Variants in PPP1R9A observed in about 807,000 individuals in gnomAD.
The protein encoded by PPP1R9A is neurabin-1.
PPP1R9A carries 59 observed loss-of-function variants against 141.9 expected under a neutral mutation model. That is an observed-to-expected ratio of 0.42 (90% CI 0.34 to 0.52). PPP1R9A has a LOEUF of 0.52. PPP1R9A is among the 20% of genes least tolerant of loss of function. PPP1R9A has a pLI of 0.10. For missense variants in PPP1R9A, 1,444 were observed against 1,611.9 expected (o/e 0.90, Z 1.78); for synonymous variants, 500 against 569.7 (o/e 0.88, Z 1.74).
intron 4 of PPP1R9A, among the ~76,000 whole-genome samples, chr7:95,151,756 C>T (rs1362654082): frequency 6.6e-6 from 1 of 151,056 alleles, no homozygotes; most frequent in Non-Finnish European, 1.5e-5. Flanking sequence ...TAGAGAAGCT[C>T]TCCAAATTTC....
At chr7:94,951,038 A>T (rs1796417830) in intron 2 of PPP1R9A, among the ~76,000 whole-genome samples, 2 of 152,136 alleles carry the variant, frequency 1.3e-5, no homozygotes, top group African/African-American at 4.8e-5. Flanking sequence ...AATCACCTGT[A>T]TGATTACCAT....
At chr7:95,063,718 G>C (rs1186393573) in intron 2 of PPP1R9A, among the ~76,000 whole-genome samples, 4 of 152,148 alleles carry the variant, frequency 2.6e-5, no homozygotes, top group African/African-American at 9.7e-5. Flanking sequence ...CAGTTTTCTT[G>C]AAACTGCAAA....
rs1347187145 is a variant in PPP1R9A, at chr7:95,258,841, A to T, written c.2665+6711A>T. Among the ~76,000 whole-genome samples, 3 of 152,172 alleles carry T rather than the reference A, an allele frequency of 2.0e-5. No homozygotes were observed. In the East Asian group the frequency reaches 5.8e-4, roughly 29 times the overall value. ...AGCCAGCACATGGAAAAACAGGAAA[A>T]TTCATAAAACTGTTTCATTAAAATA... On this transcript the variant is annotated intron_variant, in intron 12 of 19. Transcript: ENST00000433360.
intron 5 of PPP1R9A, among the ~76,000 whole-genome samples, chr7:95,167,762 G>A (rs768548025): frequency 1.1e-4 from 17 of 151,418 alleles, no homozygotes; most frequent in Non-Finnish European, 2.2e-4. Flanking sequence ...CAAAAATAAT[G>A]AACTAGCTGA....
At chr7:94,935,130 T>A (rs1408922448) in intron 2 of PPP1R9A, among the ~76,000 whole-genome samples, 1 of 152,232 alleles carries the variant, frequency 6.6e-6, no homozygotes, top group Non-Finnish European at 1.5e-5. Flanking sequence ...TTTATGTTCA[T>A]GAATAATGTA....
chr7:95,173,078 T>C (rs1394373262), intron 5 of PPP1R9A, among the ~76,000 whole-genome samples: 2 of 151,920 alleles, frequency 1.3e-5, no homozygotes, highest in African/African-American at 4.8e-5. Flanking sequence ...AACTTAGAAC[T>C]GATCACAACC....
chr7:95,109,894 T>TA (rs1820246616), intron 2 of PPP1R9A, among the ~76,000 whole-genome samples: 1 of 151,864 alleles, frequency 6.6e-6, no homozygotes, highest in Admixed American at 6.6e-5. Context: ...GGAAACATGC[T>TA]AATATTTATG....
At chr7:94,941,088 A>G (rs571544206) in intron 2 of PPP1R9A, among the ~76,000 whole-genome samples, 2 of 152,296 alleles carry the variant, frequency 1.3e-5, no homozygotes, top group African/African-American at 4.8e-5. Flanking sequence ...TCTGTGAAAG[A>G]CTAATATTTT....
At chr7:95,101,532 G>A (rs557910851) in intron 2 of PPP1R9A, among the ~76,000 whole-genome samples, 2 of 152,202 alleles carry the variant, frequency 1.3e-5, no homozygotes, top group East Asian at 3.9e-4. Flanking sequence ...TCTTGCCTCC[G>A]CAGTAAAATG....
At chr7:94,981,705 T>G (rs1376832364) in intron 2 of PPP1R9A, among the ~76,000 whole-genome samples, 1 of 152,182 alleles carries the variant, frequency 6.6e-6, no homozygotes, top group Non-Finnish European at 1.5e-5. Flanking sequence ...CTAATACAAT[T>G]TTGTATTTCT....
At chr7:95,049,724 C>G (rs1019885540) in intron 2 of PPP1R9A, among the ~76,000 whole-genome samples, 3 of 152,144 alleles carry the variant, frequency 2.0e-5, no homozygotes, top group African/African-American at 7.2e-5. Context: ...TTTTTACTGT[C>G]TCCCTACATT....
At chr7:95,125,991 A>G (rs964344008) in intron 4 of PPP1R9A, among the ~76,000 whole-genome samples, 14 of 152,082 alleles carry the variant, frequency 9.2e-5, no homozygotes, top group African/African-American at 3.4e-4. Flanking sequence ...TTTTAATTGA[A>G]TCTGTCATGG....
At chr7:95,057,368 T>G (rs562350032) in intron 2 of PPP1R9A, among the ~76,000 whole-genome samples, 3 of 152,270 alleles carry the variant, frequency 2.0e-5, no homozygotes, top group South Asian at 2.1e-4. Context: ...ATTAAATAAC[T>G]CATACAGCCA....
chr7:95,053,730 G>A (rs907513574), intron 2 of PPP1R9A, among the ~76,000 whole-genome samples: 1 of 152,146 alleles, frequency 6.6e-6, no homozygotes, highest in South Asian at 2.1e-4. Context: ...GCTGTATGTG[G>A]TGGTCTGTAA....
At chr7:95,212,286 A>G (rs1792294873) in intron 7 of PPP1R9A, among the ~76,000 whole-genome samples, 1 of 152,128 alleles carries the variant, frequency 6.6e-6, no homozygotes. Flanking sequence ...TACTTGGGAT[A>G]TCCATCACCA....
At chr7:94,931,183 T>C (rs918367871) in intron 2 of PPP1R9A, among the ~76,000 whole-genome samples, 24 of 152,204 alleles carry the variant, frequency 1.6e-4, no homozygotes, top group Non-Finnish European at 2.6e-4. Context: ...GTAATTTCTC[T>C]TTCAATATTA....
At chr7:95,123,197 T>C (rs1822940867) in intron 4 of PPP1R9A, among the ~76,000 whole-genome samples, 1 of 152,222 alleles carries the variant, frequency 6.6e-6, no homozygotes, top group African/African-American at 2.4e-5. Context: ...TTTATTCTTC[T>C]ACATAGTTTC....
chr7:95,125,624 T>C (rs1171815811), intron 4 of PPP1R9A, among the ~76,000 whole-genome samples: 1 of 152,196 alleles, frequency 6.6e-6, no homozygotes, highest in Non-Finnish European at 1.5e-5. Context: ...AGGATGTTAA[T>C]AATGCTGTGC....
At chr7:95,220,017 A>G (rs756829959) in intron 7 of PPP1R9A, among the ~76,000 whole-genome samples, 16 of 152,128 alleles carry the variant, frequency 1.1e-4, no homozygotes, top group South Asian at 2.1e-4. Flanking sequence ...TATCACTACA[A>G]TGAATTCTCA....
Sources: gnomAD v4.1 joint callset for allele counts (sites outside exome capture counted in the v4.1 genomes callset) on GRCh38, gnomAD v4.1.1 for gene constraint, MANE v1.5 for transcripts, NCBI Gene and HGNC (gene_info 2026-07-23, HGNC 2026-07-21) for gene names.